Variants in GLRA3 observed in about 807,000 individuals in gnomAD.
The protein encoded by GLRA3 is glycine receptor subunit alpha-3.
In GLRA3, 44 loss-of-function variants were observed where a neutral mutation model predicts 60.4. The observed-to-expected ratio is 0.73, with a 90% CI of 0.57 to 0.94. The LOEUF (loss-of-function observed/expected upper bound fraction) is 0.94, where lower values mean the gene tolerates loss of function less well. Ranked by LOEUF, GLRA3 falls within the 40% of genes least tolerant of loss-of-function variation. GLRA3 has a pLI of 0.00. For missense variants in GLRA3, 508 were observed against 564.6 expected, an observed-to-expected ratio of 0.90 and a Z score of 1.02; for synonymous variants, 223 against 192.9, an observed-to-expected ratio of 1.16 and a Z score of -1.29.
chr4:174,715,886 C>T (rs1735900138), intron 4 of GLRA3, among the ~76,000 whole-genome samples: 1 of 151,982 alleles, frequency 6.6e-6, no homozygotes, highest in Non-Finnish European at 1.5e-5. Flanking sequence ...ATTTATATAT[C>T]TATATGTTTA....
intron 2 of GLRA3, among the ~76,000 whole-genome samples, chr4:174,771,114 G>C (rs1157370627): frequency 1.3e-5 from 2 of 151,098 alleles, no homozygotes. Flanking sequence ...GATAGCATTA[G>C]GAGATATACC....
At chr4:174,720,338 C>A (rs1023757160) in intron 4 of GLRA3, among the ~76,000 whole-genome samples, 1 of 152,120 alleles carries the variant, frequency 6.6e-6, no homozygotes, top group Non-Finnish European at 1.5e-5. Context: ...AGAACGTATA[C>A]TTTTCTTTAA....
chr4:174,662,820 C>T (rs1417971441), intron 7 of GLRA3, among the ~76,000 whole-genome samples: 1 of 142,522 alleles, frequency 7.0e-6, no homozygotes, highest in African/African-American at 2.6e-5. Context: ...ATTGTTATTC[C>T]TTGTTTTTTT....
chr4:174,701,179 C>A (rs975195970), intron 5 of GLRA3, among the ~76,000 whole-genome samples: 2 of 152,098 alleles, frequency 1.3e-5, no homozygotes, highest in South Asian at 2.1e-4. Context: ...TTCCTAGGGG[C>A]TAATGAAGCT....
intron 4 of GLRA3, among the ~76,000 whole-genome samples, chr4:174,722,110 A>C (rs1014222583): frequency 6.6e-6 from 1 of 152,034 alleles, no homozygotes. Context: ...TCTACTGCTC[A>C]GTGGAAGAAG....
At chr4:174,664,391 C>T (rs1033117246) in intron 7 of GLRA3, among the ~76,000 whole-genome samples, 2 of 152,112 alleles carry the variant, frequency 1.3e-5, no homozygotes, top group African/African-American at 2.4e-5. Flanking sequence ...AGAATCTCTA[C>T]CAGACTACCA....
chr4:174,767,123 T>TACACACACAC (rs10551381), intron 2 of GLRA3, 93 bp from the exon 3 acceptor site: 14 of 471,788 alleles, frequency 3.0e-5, no homozygotes, highest in African/African-American at 2.6e-4. Flanking sequence ...TATTCCATTT[T>TACACACACAC]ACACACACAC....
chr4:174,745,170 C>G (rs1258138324), intron 3 of GLRA3, among the ~76,000 whole-genome samples: 3 of 152,088 alleles, frequency 2.0e-5, no homozygotes, highest in African/African-American at 7.2e-5. Context: ...ACCAAACATA[C>G]AAATTATTGG....
At chr4:174,653,018 T>C (rs558477892) in intron 9 of GLRA3, among the ~76,000 whole-genome samples, 131 of 152,226 alleles carry the variant, frequency 8.6e-4, no homozygotes, top group Non-Finnish European at 1.7e-3. Context: ...AGTTTCTCCC[T>C]TAGTAGGTAC....
intron 5 of GLRA3, chr4:174,712,464 C>A (rs1735750701): frequency 6.6e-6 from 1 of 152,024 alleles, no homozygotes; most frequent in Non-Finnish European, 1.5e-5. Flanking sequence ...AAATATTTTT[C>A]AATTGATGCC....
intron 3 of GLRA3, among the ~76,000 whole-genome samples, chr4:174,754,249 A>G (rs567156035): frequency 4.7e-4 from 72 of 152,214 alleles, no homozygotes; most frequent in Non-Finnish European, 8.4e-4. Flanking sequence ...ATGCATACTT[A>G]TCTTTTGCAA....
At chr4:174,695,651 TGGAAGC>T (rs1327817546) in intron 5 of GLRA3, among the ~76,000 whole-genome samples, 3 of 152,156 alleles carry the variant, frequency 2.0e-5, no homozygotes, top group African/African-American at 7.2e-5. Flanking sequence ...GGTCAAAAGC[TGGAAGC>T]ATTCCCCTTG....
intron 4 of GLRA3, among the ~76,000 whole-genome samples, chr4:174,720,520 C>G (rs934074691): frequency 5.3e-5 from 8 of 152,122 alleles, no homozygotes; most frequent in African/African-American, 1.9e-4. Flanking sequence ...CAAATCACAG[C>G]TAGTCAATAG....
intron 3 of GLRA3, among the ~76,000 whole-genome samples, chr4:174,730,553 G>C (rs1736512821): frequency 6.6e-6 from 1 of 152,034 alleles, no homozygotes; most frequent in Non-Finnish European, 1.5e-5. Flanking sequence ...CCACACTTAG[G>C]CTAAAATAAA....
rs1286563923 is a variant in GLRA3, at chr4:174,684,346, T to C, written c.575-1407A>G. Reference sequence around the variant, plus strand: ...GGGAAAAGTACTACCACATAATGCCTCCTTGATTTAATCATTAAACATGGG... The same window carrying C: ...GGGAAAAGTACTACCACATAATGCCCCCTTGATTTAATCATTAAACATGGG... On this transcript the variant is annotated intron_variant, in intron 5 of 9. Transcript: ENST00000274093. Among the ~76,000 whole-genome samples, 3 of 152,148 alleles carry C rather than the reference T, an allele frequency of 2.0e-5. 1 individual carries two copies. Among genetic ancestry groups the C allele is most frequent in the African/African-American group, 7.2e-5 (3 of 41,436 alleles).
intron 7 of GLRA3, among the ~76,000 whole-genome samples, chr4:174,666,754 ATATATT>A (rs1470202584): frequency 1.3e-5 from 1 of 75,480 alleles, no homozygotes; most frequent in African/African-American, 6.9e-5. Context: ...ATATATATAT[ATATATT>A]ATATATATAT....
At chr4:174,732,247 T>C (rs1010014612) in intron 3 of GLRA3, among the ~76,000 whole-genome samples, 5 of 151,602 alleles carry the variant, frequency 3.3e-5, no homozygotes, top group African/African-American at 4.9e-5. Flanking sequence ...CCCAGCTACT[T>C]GGGAGGCTGA....
intron 1 of GLRA3, among the ~76,000 whole-genome samples, chr4:174,821,424 G>A (rs1740735330): frequency 6.6e-6 from 1 of 152,042 alleles, no homozygotes. Flanking sequence ...TAAATTATAT[G>A]ACCCTAGTCA....
chr4:174,718,988 G>A (rs1453630074), intron 4 of GLRA3, among the ~76,000 whole-genome samples: 2 of 105,752 alleles, frequency 1.9e-5, no homozygotes, highest in African/African-American at 7.2e-5. Flanking sequence ...TTTTTGAGAC[G>A]GAGTCTCGCT....
Sources: gnomAD v4.1 joint callset for allele counts (sites outside exome capture counted in the v4.1 genomes callset) on GRCh38, gnomAD v4.1.1 for gene constraint, MANE v1.5 for transcripts, NCBI Gene and HGNC (gene_info 2026-07-23, HGNC 2026-07-21) for gene names.